CNTN5: variants seen among roughly 807,000 people sequenced by gnomAD.
The protein encoded by CNTN5 is contactin 5.
In CNTN5, 77 loss-of-function variants were observed where a neutral mutation model predicts 129.1. The ratio of observed to expected loss-of-function variants is 0.60; its 90% CI spans 0.50 to 0.72. The LOEUF is 0.72. Among genes scored for constraint, CNTN5 ranks in the 30% least tolerant of loss-of-function variants. The pLI, the probability that CNTN5 is intolerant of heterozygous loss-of-function variation, is 0.00. For synonymous variants in CNTN5, 509 were observed against 465.6 expected (o/e 1.09, Z -1.20); for missense variants, 1,478 against 1,328.8 (o/e 1.11, Z -1.75).
intron 3 of CNTN5, among the ~76,000 whole-genome samples, chr11:99,649,664 A>C (rs912976762): frequency 6.6e-6 from 1 of 151,796 alleles, no homozygotes. Context: ...AAAATGAAGA[A>C]AGCAAAATTA....
chr11:99,376,167 A>C (rs1470607094), intron 2 of CNTN5, among the ~76,000 whole-genome samples: 1 of 152,208 alleles, frequency 6.6e-6, no homozygotes, highest in Non-Finnish European at 1.5e-5. Context: ...GCATATGAAG[A>C]ATATTGACCT....
intron 9 of CNTN5, among the ~76,000 whole-genome samples, chr11:100,033,029 A>G (rs1165095680): frequency 6.6e-6 from 1 of 152,330 alleles, no homozygotes; most frequent in African/African-American, 2.4e-5. Context: ...AACAAGTTGA[A>G]AATTAAATAG....
rs755315937 is a variant in CNTN5, at chr11:99,841,781, T to TTATATATA, written c.278-3059_278-3052dup. Reference sequence around the variant, plus strand: ...TAGATTTATATTCCAGGTTTGACATTTATATATATATATATATATGTGGTG... The same window carrying TTATATATA: ...TAGATTTATATTCCAGGTTTGACATTTATATATATATATATATATATATATATGTGGTG... On this transcript the variant is annotated intron_variant, in intron 4 of 24. Coordinates refer to ENST00000524871, the MANE Select transcript of CNTN5 (RefSeq NM_014361.4). Among the ~76,000 whole-genome samples, 125 of 96,954 alleles carry TTATATATA rather than the reference T, an allele frequency of 1.3e-3. 1 individual carries two copies. The highest frequency in any genetic ancestry group is 2.3e-3 in the South Asian group (8 of 3,448). 63.6% of individuals were successfully genotyped at this position (96,954 alleles called of 152,430 possible).
chr11:99,999,343 G>T (rs190329424), intron 8 of CNTN5, among the ~76,000 whole-genome samples: 1 of 152,154 alleles, frequency 6.6e-6, no homozygotes, highest in Non-Finnish European at 1.5e-5. Flanking sequence ...AAAAGTGGGC[G>T]AAGGACATGA....
At chr11:99,966,300 A>T (rs1489392662) in intron 8 of CNTN5, among the ~76,000 whole-genome samples, 1 of 152,216 alleles carries the variant, frequency 6.6e-6, no homozygotes, top group African/African-American at 2.4e-5. Flanking sequence ...GGTTCCCCTA[A>T]AGCAAAGCTG....
chr11:99,894,490 A>G (rs184881511), intron 6 of CNTN5, among the ~76,000 whole-genome samples: 1 of 146,008 alleles, frequency 6.8e-6, no homozygotes, highest in East Asian at 2.1e-4. Flanking sequence ...AAAAATTCCC[A>G]GTATATTATG....
intron 16 of CNTN5, among the ~76,000 whole-genome samples, chr11:100,239,925 C>G (rs987570508): frequency 6.6e-6 from 1 of 152,144 alleles, no homozygotes; most frequent in Non-Finnish European, 1.5e-5. Flanking sequence ...ATGTTTTGCT[C>G]AAGAGGTTAT....
intron 2 of CNTN5, among the ~76,000 whole-genome samples, chr11:99,412,513 T>C (rs1942444333): frequency 6.6e-6 from 1 of 152,170 alleles, no homozygotes; most frequent in South Asian, 2.1e-4. Context: ...TCCATCATCA[T>C]CATCATCGTC....
chr11:99,724,652 G>A (rs1002663848), intron 3 of CNTN5, among the ~76,000 whole-genome samples: 3 of 152,156 alleles, frequency 2.0e-5, no homozygotes, highest in African/African-American at 4.8e-5. Flanking sequence ...AATCCAGACA[G>A]CCTGGTTCCA....
Position 99,894,529 on chromosome 11 carries a change from AC to A in CNTN5, c.578-21523del, listed in dbSNP as rs772436677. On this transcript the variant is annotated intron_variant, in intron 6 of 24. Coordinates refer to ENST00000524871, the MANE Select transcript of CNTN5 (RefSeq NM_014361.4). ...GGTACCAGCAGCAAAAAAAAAAAAAACCAAAAAACAAAAAACAAAAACAAAA... is the reference window on the plus strand; with the variant it reads ...GGTACCAGCAGCAAAAAAAAAAAAAACAAAAAACAAAAAACAAAAACAAAA... Among the ~76,000 whole-genome samples, 1,046 of 127,960 alleles carry A rather than the reference AC, an allele frequency of 8.2e-3. 11 individuals carry two copies. Among genetic ancestry groups the A allele is most frequent in the Non-Finnish European group, 0.013 (760 of 56,926 alleles). 83.9% of individuals were successfully genotyped at this position (127,960 alleles called of 152,430 possible).
intron 9 of CNTN5, among the ~76,000 whole-genome samples, chr11:100,041,702 A>G (rs771893242): frequency 5.3e-5 from 8 of 152,238 alleles, no homozygotes; most frequent in Non-Finnish European, 8.8e-5. Flanking sequence ...TTTCAGTGCT[A>G]AATAACTTAT....
intron 1 of CNTN5, among the ~76,000 whole-genome samples, chr11:99,047,036 G>T (rs917083236): frequency 6.6e-6 from 1 of 151,876 alleles, no homozygotes; most frequent in African/African-American, 2.4e-5. Context: ...TATTAAAACA[G>T]TATAATTCTG....
intron 2 of CNTN5, among the ~76,000 whole-genome samples, chr11:99,365,410 C>T (rs947874952): frequency 7.2e-5 from 11 of 152,130 alleles, no homozygotes; most frequent in Admixed American, 3.9e-4. Flanking sequence ...TACATCTAGG[C>T]CTCCTTATTC....
chr11:99,066,367 G>A (rs761043458), intron 1 of CNTN5, among the ~76,000 whole-genome samples: 9 of 152,034 alleles, frequency 5.9e-5, no homozygotes, highest in Non-Finnish European at 1.2e-4. Flanking sequence ...ACCTCCCAAA[G>A]TGCTAGGATT....
At chr11:99,744,981 A>T (rs1162601160) in intron 3 of CNTN5, among the ~76,000 whole-genome samples, 1 of 152,346 alleles carries the variant, frequency 6.6e-6, no homozygotes, top group East Asian at 1.9e-4. Context: ...TATCACAATT[A>T]CAAAGATCAG....
At chr11:99,827,068 T>C (rs1591266000) in intron 4 of CNTN5, among the ~76,000 whole-genome samples, 1 of 152,230 alleles carries the variant, frequency 6.6e-6, no homozygotes, top group South Asian at 2.1e-4. Flanking sequence ...ATTGGTTTTT[T>C]GCTTTTTGTT....
intron 3 of CNTN5, among the ~76,000 whole-genome samples, chr11:99,761,328 C>T (rs934686620): frequency 1.3e-5 from 2 of 151,960 alleles, no homozygotes; most frequent in African/African-American, 2.4e-5. Flanking sequence ...AGGTTTGTTA[C>T]GTATGTATAC....
At chr11:100,131,356 G>A (rs1023735493) in intron 13 of CNTN5, among the ~76,000 whole-genome samples, 12 of 152,062 alleles carry the variant, frequency 7.9e-5, no homozygotes, top group Non-Finnish European at 1.3e-4. Flanking sequence ...TGGAGTGTGA[G>A]GATTTGAGTG....
At chr11:99,679,800 G>A (rs1357114533) in intron 3 of CNTN5, among the ~76,000 whole-genome samples, 1 of 152,246 alleles carries the variant, frequency 6.6e-6, no homozygotes, top group Non-Finnish European at 1.5e-5. Context: ...AAGATAACCT[G>A]AAAGCTAGGC....
Sources: allele counts gnomAD v4.1 joint callset (sites outside exome capture counted in the v4.1 genomes callset), GRCh38; gene constraint gnomAD v4.1.1; transcripts MANE v1.5; gene names NCBI Gene and HGNC (gene_info 2026-07-23, HGNC 2026-07-21).